NT5M: variants seen among roughly 807,000 people sequenced by gnomAD.
NT5M encodes 5'(3')-deoxyribonucleotidase, mitochondrial.
A neutral mutation model predicts 22.2 loss-of-function variants in NT5M; 22 were observed. That is an observed-to-expected ratio of 0.99 (90% CI 0.71 to 1.41). The LOEUF is 1.41. Ranked by LOEUF, NT5M falls within the 40% of genes most tolerant of loss-of-function variation. The probability of loss-of-function intolerance (pLI) is 0.00; values close to 1 mark genes in which losing one functional copy is unlikely to be tolerated. For missense variants in NT5M, 322 were observed against 314.8 expected (o/e 1.02, Z -0.17); for synonymous variants, 167 against 133.0 (o/e 1.26, Z -1.76).
chr17:17,340,320 G>A (rs2049610843), intron 3 of NT5M, among the ~76,000 whole-genome samples: 1 of 152,074 alleles, frequency 6.6e-6, no homozygotes, highest in Admixed American at 6.5e-5. Flanking sequence ...AATATCAGTT[G>A]TAGTGTTTCC....
At chr17:17,340,742 G>A (rs933229190) in intron 3 of NT5M, among the ~76,000 whole-genome samples, 1 of 152,008 alleles carries the variant, frequency 6.6e-6, no homozygotes, top group South Asian at 2.1e-4. Flanking sequence ...GGCCAGGCTG[G>A]TCTTGATCTC....
chr17:17,319,036 C>T (rs1464916609), intron 2 of NT5M, among the ~76,000 whole-genome samples: 1 of 151,750 alleles, frequency 6.6e-6, no homozygotes, highest in Admixed American at 6.6e-5. Context: ...CATGGTGAAA[C>T]CCCACCTCTA....
At chr17:17,322,451 T>C (rs542259450) in intron 2 of NT5M, among the ~76,000 whole-genome samples, 2 of 152,162 alleles carry the variant, frequency 1.3e-5, no homozygotes, top group Admixed American at 1.3e-4. Flanking sequence ...GCGTGGTTGG[T>C]GGAGGTAGTG....
At chr17:17,330,168 C>T (rs1252594895) in intron 3 of NT5M, among the ~76,000 whole-genome samples, 3 of 151,276 alleles carry the variant, frequency 2.0e-5, no homozygotes, top group Non-Finnish European at 4.4e-5. Flanking sequence ...AGCGTTGTGG[C>T]GGGCGCCTGT....
intron 2 of NT5M, among the ~76,000 whole-genome samples, chr17:17,316,454 C>T (rs1167825744): frequency 6.6e-6 from 1 of 151,936 alleles, no homozygotes; most frequent in African/African-American, 2.4e-5. Flanking sequence ...TGGCTCGCTG[C>T]AACCTTTGCC....
chr17:17,347,058 C>G lies in NT5M; in HGVS notation c.*111C>G. On this transcript the variant is annotated 3_prime_UTR_variant, in exon 5 of 5. Coordinates refer to ENST00000389022, the MANE Select transcript of NT5M (RefSeq NM_020201.4). ...GAGTCCCTCCTAGACTCCTGGGCCC[C>G]ATGACCTCCTGCTGCATGTCCCTTC... 1 of 1,331,184 alleles carries G rather than the reference C, an allele frequency of 7.5e-7. No individual in the cohort carries two copies. 82.5% of individuals were successfully genotyped at this position (1,331,184 alleles called of 1,614,324 possible). A position where few individuals can be genotyped will look rare whatever the true frequency, so the allele number is the denominator to read the frequency against.
chr17:17,346,666 G>T (rs887582179), intron 4 of NT5M, 139 bp from the exon 5 acceptor site: 55 of 941,748 alleles, frequency 5.8e-5, no homozygotes, highest in African/African-American at 1.1e-4. Flanking sequence ...GCGAAGGCGG[G>T]TGTGCGTGCA....
chr17:17,326,094 CAG>C (rs2049260955), intron 3 of NT5M, among the ~76,000 whole-genome samples: 1 of 152,198 alleles, frequency 6.6e-6, no homozygotes, highest in Admixed American at 6.6e-5. Context: ...ATTTGTCCAA[CAG>C]AGAGTTATTA....
intron 2 of NT5M, among the ~76,000 whole-genome samples, chr17:17,314,971 T>C (rs1018563761): frequency 1.3e-5 from 2 of 152,204 alleles, no homozygotes; most frequent in Admixed American, 6.6e-5. Flanking sequence ...TGTCTGTGTC[T>C]GTCCCTTCCT....
intron 3 of NT5M, among the ~76,000 whole-genome samples, chr17:17,324,006 G>A (rs1420753268): frequency 6.6e-6 from 1 of 151,988 alleles, no homozygotes. Context: ...TGAGTAGCTG[G>A]GATTACAAGT....
intron 1 of NT5M, among the ~76,000 whole-genome samples, chr17:17,305,231 G>A (rs921493156): frequency 1.3e-5 from 2 of 152,098 alleles, no homozygotes; most frequent in African/African-American, 4.8e-5. Context: ...TACGTGTGGG[G>A]TTACTGGTTT....
chr17:17,344,505 G>A (rs556550181), intron 3 of NT5M, among the ~76,000 whole-genome samples: 19 of 152,318 alleles, frequency 1.2e-4, no homozygotes, highest in African/African-American at 4.6e-4. Context: ...GGGTTATGCT[G>A]TGCAGTGTTC....
At position 17,303,649 on chromosome 17, in the gene NT5M, C is replaced by T. The variant is rs1321112546; in HGVS notation, c.99C>T (p.Gly33=). ...CGGGCGGGCTGGGCCTGGCGGGAGG[C>T]CGCGCCCTACGGGTGCTGGTGGACA... ...GAAGGLGLAG[G]RALRVLVDMD... is the part of the protein sequence containing the mutation. The change falls in exon 1 of 5, where the codon GGC becomes GGT. Residue 33 remains glycine, a synonymous_variant. Transcript: ENST00000389022. 2.4e-5 allele frequency: 36 copies of T among 1,480,492 alleles called. No homozygotes were observed. Among genetic ancestry groups the T allele is most frequent in the Non-Finnish European group, 3.1e-5 (34 of 1,109,508 alleles). 91.7% of individuals were successfully genotyped at this position (1,480,492 alleles called of 1,614,324 possible).
intron 3 of NT5M, among the ~76,000 whole-genome samples, chr17:17,330,161 G>T (rs191047937): frequency 0.01 from 1,524 of 151,204 alleles, 15 homozygotes; most frequent in Non-Finnish European, 0.013. Context: ...TTAGCCGAGC[G>T]TTGTGGCGGG....
chr17:17,315,746 TTTTTTG>T (rs1193678868), intron 2 of NT5M, among the ~76,000 whole-genome samples: 18 of 73,476 alleles, frequency 2.4e-4, no homozygotes, highest in South Asian at 4.5e-4. Context: ...AACTTAGGGT[TTTTTTG>T]TTTTTTTTTT....
At chr17:17,326,003 C>T (rs2049259240) in intron 3 of NT5M, among the ~76,000 whole-genome samples, 1 of 152,224 alleles carries the variant, frequency 6.6e-6, no homozygotes, top group Admixed American at 6.5e-5. Flanking sequence ...CTCTCACCCT[C>T]CTGCCCACTG....
In NT5M at chr17:17,316,304, C is replaced by T. The variant is rs142983510; in HGVS notation, c.369-6881C>T. 6.1e-3 allele frequency among the ~76,000 whole-genome samples: 934 copies of T among 152,036 alleles called. 8 individuals carry two copies. Among genetic ancestry groups the T allele is most frequent in the African/African-American group, 0.022 (892 of 41,444 alleles). ...ACCTCTTAACCGCTTGACTTCCTGA[C>T]ACCTTGGCCTCCCAAAGTGCTGGAA... On this transcript the variant is annotated intron_variant, in intron 2 of 4. Transcript: ENST00000389022.
intron 2 of NT5M, among the ~76,000 whole-genome samples, chr17:17,317,808 C>A (rs1034102898): frequency 1.3e-5 from 2 of 151,702 alleles, no homozygotes; most frequent in Admixed American, 6.6e-5. Context: ...ACTAAAAATA[C>A]AAAAATTAGC....
chr17:17,330,059 G>T (rs1393509109), intron 3 of NT5M, among the ~76,000 whole-genome samples: 1 of 152,146 alleles, frequency 6.6e-6, no homozygotes, highest in South Asian at 2.1e-4. Context: ...CCAGCACTTT[G>T]GGAGGCCGAG....
Sources: allele counts gnomAD v4.1 joint callset (sites outside exome capture counted in the v4.1 genomes callset), GRCh38; gene constraint gnomAD v4.1.1; transcripts MANE v1.5; gene names NCBI Gene and HGNC (gene_info 2026-07-23, HGNC 2026-07-21).